Variants in RUNX2 observed in about 807,000 individuals in gnomAD.
RUNX2 encodes RUNX family transcription factor 2.
Under a neutral mutation model 51.7 loss-of-function variants are expected in RUNX2, and 10 were observed. That is an observed-to-expected ratio of 0.19 (90% CI 0.12 to 0.33). RUNX2 has a LOEUF of 0.33. RUNX2 is among the 10% of genes least tolerant of loss of function. RUNX2 has a pLI of 1.00. For synonymous variants in RUNX2, 276 were observed against 273.6 expected (o/e 1.01, Z -0.09); for missense variants, 562 against 691.3 (o/e 0.81, Z 2.10).
intron 5 of RUNX2, among the ~76,000 whole-genome samples, chr6:45,460,117 T>C (rs1012538376): frequency 2.0e-5 from 3 of 152,156 alleles, no homozygotes; most frequent in Admixed American, 6.5e-5. Flanking sequence ...AGGTCAAATC[T>C]GGTGTGGTAT....
At chr6:45,447,931 G>A (rs2150378186) in intron 5 of RUNX2, among the ~76,000 whole-genome samples, 1 of 137,428 alleles carries the variant, frequency 7.3e-6, no homozygotes, top group East Asian at 2.2e-4. Flanking sequence ...TCTGCTGAAA[G>A]CCTGTCTGCT....
At chr6:45,342,586 T>C (rs1790023240) in intron 2 of RUNX2, among the ~76,000 whole-genome samples, 1 of 152,180 alleles carries the variant, frequency 6.6e-6, no homozygotes, top group African/African-American at 2.4e-5. Flanking sequence ...AAAAATAATA[T>C]GAGAGTGCCT....
In RUNX2 at chr6:45,432,141, G is replaced by T; in HGVS notation, c.580+122G>T. The T allele has an allele frequency of 3.2e-6, 3 of 942,736 alleles. No homozygotes were observed. In the South Asian group the frequency reaches 4.3e-5, roughly 13 times the overall value. The allele number at this position is 942,736 out of a possible 1,614,324, so 58.4% of individuals were successfully genotyped here. On this transcript the variant is annotated intron_variant, in intron 4 of 8. Transcript: ENST00000647337. ...TTCTGAATAGAATTACTGAAGATTT[G>T]ATTTAAATACATCCAGATGAAGTTG... is the stretch of plus-strand genomic sequence containing the variant.
At chr6:45,531,750 TA>T (rs143683342) in intron 7 of RUNX2, among the ~76,000 whole-genome samples, 18 of 146,820 alleles carry the variant, frequency 1.2e-4, no homozygotes, top group African/African-American at 3.8e-4. Flanking sequence ...AGATTCTGTC[TA>T]AAAAAAAAAC....
At chr6:45,452,093 T>C (rs1192892471) in intron 5 of RUNX2, among the ~76,000 whole-genome samples, 1 of 152,230 alleles carries the variant, frequency 6.6e-6, no homozygotes, top group African/African-American at 2.4e-5. Flanking sequence ...GTTTTATTGT[T>C]AGAAAAACCC....
intron 2 of RUNX2, among the ~76,000 whole-genome samples, chr6:45,367,309 T>G: frequency 6.6e-6 from 1 of 152,126 alleles, no homozygotes; most frequent in East Asian, 1.9e-4. Flanking sequence ...AAAACCAAAA[T>G]TCTAAAACAT....
chr6:45,433,627 T>C (rs1798603462), intron 4 of RUNX2, among the ~76,000 whole-genome samples: 1 of 152,206 alleles, frequency 6.6e-6, no homozygotes, highest in South Asian at 2.1e-4. Context: ...AACTTTTTTC[T>C]GATCAATTTA....
intron 2 of RUNX2, among the ~76,000 whole-genome samples, chr6:45,343,750 A>C (rs1301692306): frequency 6.6e-6 from 1 of 152,204 alleles, no homozygotes; most frequent in Non-Finnish European, 1.5e-5. Context: ...CATGTTCCTG[A>C]GACAGCTATC....
intron 2 of RUNX2, among the ~76,000 whole-genome samples, chr6:45,375,878 T>C (rs2150328641): frequency 6.6e-6 from 1 of 151,714 alleles, no homozygotes; most frequent in East Asian, 1.9e-4. Context: ...TTGTGAAACA[T>C]CTATTACCTA....
At chr6:45,437,381 T>C (rs981168344) in intron 4 of RUNX2, among the ~76,000 whole-genome samples, 1 of 152,270 alleles carries the variant, frequency 6.6e-6, no homozygotes, top group Non-Finnish European at 1.5e-5. Context: ...GAAATCATCA[T>C]ACCACAGGCA....
intron 5 of RUNX2, among the ~76,000 whole-genome samples, chr6:45,472,978 A>G (rs1799849062): frequency 6.6e-6 from 1 of 152,174 alleles, no homozygotes; most frequent in Non-Finnish European, 1.5e-5. Flanking sequence ...TTTCATACCC[A>G]GCTAGTGTAA....
intron 2 of RUNX2, among the ~76,000 whole-genome samples, chr6:45,396,536 G>T (rs1435555314): frequency 1.3e-5 from 2 of 152,102 alleles, no homozygotes; most frequent in Non-Finnish European, 2.9e-5. Flanking sequence ...CTCCCAAATA[G>T]CTGGGACTAC....
At chr6:45,382,159 C>T (rs139944286) in intron 2 of RUNX2, among the ~76,000 whole-genome samples, 5 of 152,156 alleles carry the variant, frequency 3.3e-5, no homozygotes, top group South Asian at 2.1e-4. Context: ...AACTCTTGTA[C>T]TGGAATCAAA....
At chr6:45,433,000 C>T (rs112797089) in intron 4 of RUNX2, among the ~76,000 whole-genome samples, 2 of 152,154 alleles carry the variant, frequency 1.3e-5, no homozygotes, top group African/African-American at 2.4e-5. Flanking sequence ...TAAACCATGT[C>T]TAATAATTGC....
intron 7 of RUNX2, among the ~76,000 whole-genome samples, chr6:45,544,905 A>C (rs891942471): frequency 6.6e-6 from 1 of 152,182 alleles, no homozygotes; most frequent in Non-Finnish European, 1.5e-5. Flanking sequence ...GCTTGTCAGA[A>C]TTTCGTTTTT....
chr6:45,472,664 C>T (rs999601795), intron 5 of RUNX2, among the ~76,000 whole-genome samples: 1 of 152,208 alleles, frequency 6.6e-6, no homozygotes, highest in Non-Finnish European at 1.5e-5. Context: ...TGCTCTGACC[C>T]TGTGGCCTGG....
chr6:45,544,206 G>A (rs1802319765), intron 7 of RUNX2, among the ~76,000 whole-genome samples: 1 of 152,018 alleles, frequency 6.6e-6, no homozygotes, highest in Admixed American at 6.5e-5. Context: ...TGTAAACCTA[G>A]CGGAAATTTG....
chr6:45,448,551 G>A (rs934969747), intron 5 of RUNX2, among the ~76,000 whole-genome samples: 14 of 152,162 alleles, frequency 9.2e-5, no homozygotes, highest in Non-Finnish European at 1.0e-4. Context: ...GGTGACTCCA[G>A]TGCTGGCTCG....
In RUNX2 at chr6:45,399,075, G is replaced by C. The variant is rs1335018708; in HGVS notation, c.59-23518G>C. Among the ~76,000 whole-genome samples the C allele has an allele frequency of 2.6e-5, 4 of 152,194 alleles. No individual in the cohort carries two copies. The East Asian group carries it at 5.8e-4, about 22-fold the overall frequency. On this transcript the variant is annotated intron_variant, in intron 2 of 8. Coordinates refer to ENST00000647337, the MANE Select transcript of RUNX2 (RefSeq NM_001024630.4). ...CCTGTAACAGTGAGTTTGAGTTGCT[G>C]GGACTCAATTAGAAAAATTAGTGAT...
Sources: allele counts gnomAD v4.1 joint callset (sites outside exome capture counted in the v4.1 genomes callset), GRCh38; gene constraint gnomAD v4.1.1; transcripts MANE v1.5; gene names NCBI Gene and HGNC (gene_info 2026-07-23, HGNC 2026-07-21).